ADGRG5: variants seen among roughly 807,000 people sequenced by gnomAD.
ADGRG5 encodes G protein-coupled receptor 114.
Under a neutral mutation model 53.2 loss-of-function variants are expected in ADGRG5, and 37 were observed. The observed-to-expected ratio is 0.70, with a 90% CI of 0.53 to 0.91. The LOEUF (loss-of-function observed/expected upper bound fraction) is 0.91. ADGRG5 is among the 40% of genes least tolerant of loss of function. The pLI is 0.00. For synonymous variants in ADGRG5, 277 were observed against 290.4 expected (o/e 0.95, Z 0.47); for missense variants, 614 against 675.8 (o/e 0.91, Z 1.01).
chr16:57,532,224 C>T, the ADGRG5 span, among the ~76,000 whole-genome samples: 1 of 152,184 alleles, frequency 6.6e-6, no homozygotes, highest in South Asian at 2.1e-4. Context: ...TTGGAATTTG[C>T]ATTTTAATAG....
At chr16:57,564,118 A>G (rs2146800724) in intron 5 of ADGRG5, 139 bp downstream of exon 5, 1 of 931,090 alleles carries the variant, frequency 1.1e-6, no homozygotes, top group Non-Finnish European at 1.6e-6. Context: ...CCAAGCCAGC[A>G]ATTGTCCCTC....
intron 9 of ADGRG5, among the ~76,000 whole-genome samples, chr16:57,569,976 C>T (rs537222777): frequency 8.5e-5 from 13 of 152,160 alleles, no homozygotes; most frequent in East Asian, 7.7e-4. Flanking sequence ...CCTCCATTAC[C>T]GCCTTCATTT....
intron 8 of ADGRG5, 84 bp downstream of exon 8, chr16:57,567,675 G>T: frequency 6.5e-7 from 1 of 1,530,312 alleles, no homozygotes; most frequent in Middle Eastern, 1.7e-4. Flanking sequence ...ACTAGAACTG[G>T]GTGTGCTTCT....
At position 57,575,086 on chromosome 16, in the gene ADGRG5, CT is replaced by C. The variant is rs770777646; in HGVS notation, c.1481del (p.Leu494ProfsTer25). 3.1e-6 allele frequency: 5 copies of C among 1,611,856 alleles called. No homozygotes were observed. In the South Asian group the frequency reaches 3.3e-5, roughly 11 times the overall value. On this transcript the variant is annotated frameshift_variant, in exon 11 of 12. Coordinates refer to ENST00000349457, the MANE Select transcript of ADGRG5 (RefSeq NM_001304376.3). LOFTEE classifies it high-confidence loss of function. ...QLFLFTILNSLYGFFLFLWFC... is the reference protein window; with the variant it reads ...QLFLFTILNSXYGFFLFLWFC... ...GTTCCTCTTCACCATCTTAAACTCG[CT>C]CTACGGTAGGGCTGGAGGGCGGCCT...
the ADGRG5 span, among the ~76,000 whole-genome samples, chr16:57,532,651 C>T: frequency 6.6e-6 from 1 of 152,106 alleles, no homozygotes; most frequent in Admixed American, 6.5e-5. Context: ...CACTGACACA[C>T]AGGTACAAGG....
intron 5 of ADGRG5, among the ~76,000 whole-genome samples, chr16:57,564,545 G>C (rs984435946): frequency 6.6e-6 from 1 of 152,172 alleles, no homozygotes; most frequent in Non-Finnish European, 1.5e-5. Context: ...CAAGTGATCC[G>C]CCTGCCTTGG....
At position 57,555,833 on chromosome 16, in the gene ADGRG5, A is replaced by G. The variant is rs113162982; in HGVS notation, c.-38-6223A>G. Among the ~76,000 whole-genome samples, 508 of 152,116 alleles carry G rather than the reference A, an allele frequency of 3.3e-3. 5 individuals carry two copies. The highest frequency in any genetic ancestry group is 0.011 in the African/African-American group (462 of 41,514). On this transcript the variant is annotated intron_variant, in intron 1 of 11. Transcript: ENST00000349457. The stretch of plus-strand genomic sequence containing the variant: ...TCTCATGTTGAACTGTAATTTTTCA[A>G]TGTTGGAGAGGGACCTGGTGGAAGG...
chr16:57,564,754 G>A (rs1567620489), intron 5 of ADGRG5, among the ~76,000 whole-genome samples: 1 of 152,264 alleles, frequency 6.6e-6, no homozygotes, highest in South Asian at 2.1e-4. Context: ...TTGAAAGTGA[G>A]TGAGGATAGT....
upstream of ADGRG5, among the ~76,000 whole-genome samples, chr16:57,541,670 C>A (rs2032492705): frequency 6.6e-6 from 1 of 152,196 alleles, no homozygotes; most frequent in African/African-American, 2.4e-5. Context: ...TGCTGCCTCT[C>A]CATCTTTCCC....
the ADGRG5 span, among the ~76,000 whole-genome samples, chr16:57,529,639 C>G: frequency 1.3e-5 from 2 of 152,196 alleles, no homozygotes; most frequent in African/African-American, 2.4e-5. The surrounding 1 kb of genome is among the most constrained non-coding windows in gnomAD (Gnocchi z 4.1). Context: ...AGGACCCAGG[C>G]GGGGGCACTG....
chr16:57,566,735 A>T lies in ADGRG5; in HGVS notation c.683A>T (p.Tyr228Phe), dbSNP rs1384728103. ...CTCTGCCGCTGCAACCACCTCACCT[A>T]CTTTGCTGTTCTCATGGTATGTATG... ...QVLCRCNHLT[Y>F]FAVLMQLSPA... is the part of the protein sequence containing the mutation. Residue 228 changes from tyrosine to phenylalanine, a missense_variant, in exon 7 of 12, where the codon TAC becomes TTC. Coordinates refer to ENST00000349457, the MANE Select transcript of ADGRG5 (RefSeq NM_001304376.3). 1.3e-6 allele frequency: 2 copies of T among 1,550,762 alleles called. No homozygotes were observed. The highest frequency in any genetic ancestry group is 1.7e-4 in the Middle Eastern group (1 of 5,824).
At chr16:57,556,663 C>G (rs1485894730) in intron 1 of ADGRG5, among the ~76,000 whole-genome samples, 2 of 152,134 alleles carry the variant, frequency 1.3e-5, no homozygotes, top group Non-Finnish European at 2.9e-5. Flanking sequence ...CACTGTGATC[C>G]CCACAATGCA....
chr16:57,536,839 G>C, the ADGRG5 span, among the ~76,000 whole-genome samples: 5 of 152,288 alleles, frequency 3.3e-5, no homozygotes, highest in Middle Eastern at 6.8e-3. Context: ...GGGGGGGCTC[G>C]GCTTTCTTGG....
At chr16:57,549,720 T>A (rs2032703177) in intron 1 of ADGRG5, among the ~76,000 whole-genome samples, 1 of 152,216 alleles carries the variant, frequency 6.6e-6, no homozygotes, top group Admixed American at 6.5e-5. Context: ...GTAGTTAATA[T>A]CTTTTCCCTA....
At chr16:57,537,188 G>A in the ADGRG5 span, among the ~76,000 whole-genome samples, 17 of 152,128 alleles carry the variant, frequency 1.1e-4, no homozygotes, top group Non-Finnish European at 2.2e-4. Context: ...CTTCGCCTTC[G>A]GGGACGCCCA....
At chr16:57,544,531 G>A (rs569230645) in intron 1 of ADGRG5, among the ~76,000 whole-genome samples, 6 of 152,256 alleles carry the variant, frequency 3.9e-5, no homozygotes, top group African/African-American at 1.4e-4. Context: ...GTGTGGTAGG[G>A]TCAGGCTTTT....
rs532270409 is a variant in ADGRG5 at position 57,574,256 on chromosome 16, G to A, written c.1209-559G>A. Among the ~76,000 whole-genome samples the A allele has an allele frequency of 6.6e-6, 1 of 152,324 alleles. No individual in the cohort carries two copies. Among genetic ancestry groups the A allele is most frequent in the South Asian group, 2.1e-4 (1 of 4,822 alleles). On this transcript the variant is annotated intron_variant, in intron 10 of 11. Coordinates refer to ENST00000349457, the MANE Select transcript of ADGRG5 (RefSeq NM_001304376.3). This position sits in a 1 kb window ranked among gnomAD's most constrained non-coding sequence, Gnocchi z 4.4. ...TCTCCTGCGGCTCTGTGTGCTCTCAGGTTGACACTTGGAGGGTCCCTGTCC... is the reference window on the plus strand; with the variant it reads ...TCTCCTGCGGCTCTGTGTGCTCTCAAGTTGACACTTGGAGGGTCCCTGTCC...
At chr16:57,563,815 G>A (rs1453112006) in intron 4 of ADGRG5, 33 bp from the exon 5 acceptor site, 2 of 1,612,202 alleles carry the variant, frequency 1.2e-6, no homozygotes, top group South Asian at 2.2e-5. Flanking sequence ...CCAGGTCCTG[G>A]TTGCCAAACA....
intron 1 of ADGRG5, among the ~76,000 whole-genome samples, chr16:57,546,310 G>A (rs1176335782): frequency 6.6e-6 from 1 of 152,122 alleles, no homozygotes; most frequent in Admixed American, 6.5e-5. Context: ...ATTTTTAGTA[G>A]AGACAAGATC....
Sources: allele counts gnomAD v4.1 joint callset (sites outside exome capture counted in the v4.1 genomes callset), GRCh38; gene constraint gnomAD v4.1.1; non-coding constraint Gnocchi (gnomAD v3.1); transcripts MANE v1.5; gene names NCBI Gene and HGNC (gene_info 2026-07-23, HGNC 2026-07-21).